Variants in FRMD4A observed in about 807,000 individuals in gnomAD.
The protein encoded by FRMD4A is FERM domain containing 4A, also known as FERM domain-containing protein 4A.
In FRMD4A, 29 loss-of-function variants were observed where a neutral mutation model predicts 129.1. The ratio of observed to expected loss-of-function variants is 0.22; its 90% CI spans 0.17 to 0.31. The LOEUF is 0.31. FRMD4A is among the 10% of genes least tolerant of loss of function. FRMD4A has a pLI of 1.00. For synonymous variants in FRMD4A, 634 were observed against 571.6 expected, an observed-to-expected ratio of 1.11 and a Z score of -1.56; for missense variants, 1,272 against 1,375.8, an observed-to-expected ratio of 0.92 and a Z score of 1.19.
At chr10:13,979,010 C>T (rs533742817) in intron 2 of FRMD4A, among the ~76,000 whole-genome samples, 2 of 152,132 alleles carry the variant, frequency 1.3e-5, no homozygotes, top group East Asian at 1.9e-4. Context: ...CACACCAGGC[C>T]CCAGTAGAAA....
At chr10:14,136,092 T>C (rs1291904662) in intron 2 of FRMD4A, among the ~76,000 whole-genome samples, 1 of 152,096 alleles carries the variant, frequency 6.6e-6, no homozygotes, top group East Asian at 1.9e-4. Flanking sequence ...AACCAGTAGG[T>C]TCCAAGTGCT....
chr10:14,266,918 C>T (rs1035030268), intron 2 of FRMD4A, among the ~76,000 whole-genome samples: 1 of 152,112 alleles, frequency 6.6e-6, no homozygotes, highest in Admixed American at 6.6e-5. Context: ...ACAATGGGTT[C>T]CCACAATGTT....
intron 2 of FRMD4A, among the ~76,000 whole-genome samples, chr10:13,990,007 C>CA (rs2095597751): frequency 6.6e-6 from 1 of 152,182 alleles, no homozygotes; most frequent in Non-Finnish European, 1.5e-5. Flanking sequence ...GTTAGACCCC[C>CA]ATTTAGATTC....
intron 12 of FRMD4A, among the ~76,000 whole-genome samples, chr10:13,735,757 A>G (rs2135036119): frequency 6.6e-6 from 1 of 152,320 alleles, no homozygotes; most frequent in East Asian, 1.9e-4. Context: ...TTCCACCACT[A>G]CAGGCAAGAG....
intron 2 of FRMD4A, among the ~76,000 whole-genome samples, chr10:13,905,583 GATAATA>G (rs923239441): frequency 3.3e-5 from 5 of 152,060 alleles, no homozygotes; most frequent in South Asian, 2.1e-4. Flanking sequence ...TAATAATAGT[GATAATA>G]ATAATAATAT....
At chr10:14,122,494 A>T (rs976520734) in intron 2 of FRMD4A, among the ~76,000 whole-genome samples, 16 of 151,840 alleles carry the variant, frequency 1.1e-4, no homozygotes, top group Admixed American at 2.0e-4. Context: ...CAGGAAACAT[A>T]ATGCTGGCAT....
In FRMD4A at chr10:13,657,394, G is replaced by C; in HGVS notation, c.2195C>G (p.Thr732Ser). ...ENDTGSPDFY[T>S]PRTRSSNGSD... ...GCCGTTGCTGCTACGAGTCCGCGGGGTGTAGAAGTCGGGGCTCCCGGTGTC... is the reference window on the plus strand; with the variant it reads ...GCCGTTGCTGCTACGAGTCCGCGGGCTGTAGAAGTCGGGGCTCCCGGTGTC... The change falls in exon 22 of 25, where the codon ACC becomes AGC. Residue 732 changes from threonine (T) to serine (S), a missense_variant. This residue lies in a region of FRMD4A where 972 missense variants were observed against 892.3 expected (regional missense o/e 1.09). Transcript: ENST00000357447. The C allele has an allele frequency of 1.2e-6, 2 of 1,612,970 alleles. No homozygotes were observed. The highest frequency in any genetic ancestry group is 1.7e-6 in the Non-Finnish European group (2 of 1,179,896).
At position 13,858,776 on chromosome 10, in the gene FRMD4A, C is replaced by A. The variant is rs2094249325; in HGVS notation, c.111+71G>T. The A allele has an allele frequency of 2.4e-5, 21 of 870,282 alleles. No homozygotes were observed. The South Asian group carries it at 2.8e-4, about 11-fold the overall frequency. The allele number at this position is 870,282 out of a possible 1,614,324, so 53.9% of individuals were successfully genotyped here. A position where few individuals can be genotyped will look rare whatever the true frequency, so the allele number is the denominator to read the frequency against. On this transcript the variant is annotated intron_variant, in intron 3 of 24. Transcript: ENST00000357447. The stretch of plus-strand genomic sequence containing the variant: ...CAGTTTACCAAATCCCCCTTCATCC[C>A]CAGCTGGATCAAGGTCTGAAACCAC...
chr10:14,015,591 A>G (rs34204327), intron 2 of FRMD4A, among the ~76,000 whole-genome samples: 30,011 of 151,974 alleles, frequency 0.2, 3,348 homozygotes, highest in East Asian at 0.45. Context: ...GTTCTAGGAT[A>G]AGTGGTCAAC....
At position 13,644,505 on chromosome 10, in the gene FRMD4A, T is replaced by C. The variant is rs1345836477; in HGVS notation, c.*2533A>G. On this transcript the variant is annotated 3_prime_UTR_variant, in exon 25 of 25. Transcript: ENST00000357447. Reference sequence around the variant, plus strand: ...ATCATGATGTTTGTTGGAACTGTAATTCCTGCTCTCCATTTCTCTCTGTCC... The same window carrying C: ...ATCATGATGTTTGTTGGAACTGTAACTCCTGCTCTCCATTTCTCTCTGTCC... The C allele has an allele frequency of 6.6e-6, 1 of 152,234 alleles. No individual in the cohort carries two copies. The highest frequency in any genetic ancestry group is 1.5e-5 in the Non-Finnish European group (1 of 68,038). The allele number at this position is 152,234 out of a possible 1,614,324, so 9.4% of individuals were successfully genotyped here. A position where few individuals can be genotyped will look rare whatever the true frequency, so the allele number is the denominator to read the frequency against.
At chr10:14,057,155 C>T (rs188791956) in intron 2 of FRMD4A, among the ~76,000 whole-genome samples, 17 of 152,264 alleles carry the variant, frequency 1.1e-4, no homozygotes, top group South Asian at 2.1e-4. Flanking sequence ...TATGGGTCAG[C>T]GGATGTTATG....
intron 2 of FRMD4A, among the ~76,000 whole-genome samples, chr10:14,317,702 G>T (rs1846791950): frequency 8.8e-6 from 1 of 113,522 alleles, no homozygotes; most frequent in Non-Finnish European, 1.9e-5. Context: ...GGAAGGGAGG[G>T]AAGAGGAGGG....
chr10:13,807,781 G>T (rs28413059), intron 4 of FRMD4A, among the ~76,000 whole-genome samples: 1 of 147,594 alleles, frequency 6.8e-6, no homozygotes, highest in African/African-American at 2.5e-5. Flanking sequence ...AGAGTCACAC[G>T]TTCTATTATT....
At chr10:13,814,365 A>AG (rs202177639) in intron 3 of FRMD4A, among the ~76,000 whole-genome samples, 5,568 of 151,502 alleles carry the variant, frequency 0.037, 144 homozygotes, top group Middle Eastern at 0.061. Context: ...CTGAGGCAGG[A>AG]GGATCCTTTA....
chr10:13,712,911 G>A (rs2088180124), intron 12 of FRMD4A, among the ~76,000 whole-genome samples: 1 of 152,262 alleles, frequency 6.6e-6, no homozygotes, highest in Non-Finnish European at 1.5e-5. Context: ...CCCACATCCT[G>A]TATTTAGCTG....
chr10:14,131,819 G>T (rs1839275484), intron 2 of FRMD4A, among the ~76,000 whole-genome samples: 1 of 152,024 alleles, frequency 6.6e-6, no homozygotes, highest in South Asian at 2.1e-4. Flanking sequence ...CTGGGAGCTG[G>T]ACTGTTGAAA....
chr10:13,811,388 C>T (rs1027829393), intron 3 of FRMD4A, among the ~76,000 whole-genome samples: 1 of 151,700 alleles, frequency 6.6e-6, no homozygotes. Context: ...CTGCCTCAGC[C>T]TCCCAAAGTG....
Position 13,731,042 on chromosome 10 carries a change from AT to A in FRMD4A, c.759+6801del, listed in dbSNP as rs1265150535. ...GACTCCCTCTCAAAAAAAAAAAAAG[AT>A]TTTTTTTTTCTATTGTGACTTTTCT... On this transcript the variant is annotated intron_variant, in intron 12 of 24. Transcript: ENST00000357447. Among the ~76,000 whole-genome samples, 152 of 145,306 alleles carry A rather than the reference AT, an allele frequency of 1.0e-3. 1 individual carries two copies. The Middle Eastern group carries it at 0.011, about 11-fold the overall frequency.
chr10:13,944,700 T>C (rs1334073532), intron 2 of FRMD4A, among the ~76,000 whole-genome samples: 2 of 152,236 alleles, frequency 1.3e-5, no homozygotes, highest in Non-Finnish European at 2.9e-5. Context: ...GTTATATATT[T>C]GTAGCTATTT....
Sources: gnomAD v4.1 joint callset for allele counts (sites outside exome capture counted in the v4.1 genomes callset) on GRCh38, gnomAD v4.1.1 for gene constraint, gnomAD v4.1.1 regional missense constraint, MANE v1.5 for transcripts, NCBI Gene and HGNC (gene_info 2026-07-23, HGNC 2026-07-21) for gene names.